CSMD1: variants seen among roughly 807,000 people sequenced by gnomAD.
CSMD1 encodes the protein CUB and Sushi multiple domains 1, also known as CUB and sushi domain-containing protein 1.
A neutral mutation model predicts 417.5 loss-of-function variants in CSMD1; 213 were observed. That is an observed-to-expected ratio of 0.51 (90% CI 0.46 to 0.57). CSMD1 has a LOEUF of 0.57. Among genes scored for constraint, CSMD1 ranks in the 20% least tolerant of loss-of-function variants. The probability of loss-of-function intolerance (pLI) is 0.00; values close to 1 mark genes in which losing one functional copy is unlikely to be tolerated. For missense variants in CSMD1, 6,923 were observed against 4,529.7 expected (o/e 1.53, Z -15.17); for synonymous variants, 2,862 against 1,736.8 (o/e 1.65, Z -16.11).
In CSMD1 at chr8:3,367,057, G is replaced by A. The variant is rs367552614; in HGVS notation, c.3090C>T (p.Tyr1030=). The A allele has an allele frequency of 3.3e-5, 53 of 1,613,412 alleles. No individual in the cohort carries two copies. Among genetic ancestry groups the A allele is most frequent in the Non-Finnish European group, 4.2e-5 (49 of 1,179,680 alleles). Residue 1030 remains tyrosine, a synonymous_variant, in exon 20 of 70, where the codon TAC becomes TAT. Transcript: ENST00000635120. ...LRFISDFSIS[Y]EGFNITFSEY... ...CTGAAAATGTGATATTGAAGCCCTC[G>A]TACGAAATTGAGAAGTCTGATATAA...
chr8:3,775,680 C>T (rs558625473), intron 5 of CSMD1, among the ~76,000 whole-genome samples: 2 of 152,330 alleles, frequency 1.3e-5, no homozygotes, highest in African/African-American at 4.8e-5. Context: ...CCAACACAGT[C>T]ACTGAAATAA....
chr8:4,149,278 T>C (rs993608838), intron 3 of CSMD1, among the ~76,000 whole-genome samples: 4 of 152,150 alleles, frequency 2.6e-5, no homozygotes, highest in African/African-American at 7.2e-5. Flanking sequence ...ATTTTCATAT[T>C]CCTAAAAAAA....
At chr8:3,756,279 G>T (rs1045276428) in intron 5 of CSMD1, among the ~76,000 whole-genome samples, 2 of 151,572 alleles carry the variant, frequency 1.3e-5, no homozygotes, top group Non-Finnish European at 2.9e-5. Context: ...CGTGAACCTG[G>T]GAGGCAGAGC....
At chr8:4,218,944 T>C (rs1800855847) in intron 3 of CSMD1, among the ~76,000 whole-genome samples, 1 of 152,178 alleles carries the variant, frequency 6.6e-6, no homozygotes, top group African/African-American at 2.4e-5. Context: ...CTCTGAGCAA[T>C]GCTATTTTTT....
intron 5 of CSMD1, among the ~76,000 whole-genome samples, chr8:3,899,070 A>T (rs1241256596): frequency 6.6e-6 from 1 of 152,210 alleles, no homozygotes; most frequent in Admixed American, 6.5e-5. Context: ...TAAAATGAGG[A>T]ATAAATAGAG....
chr8:3,861,858 T>C (rs1314749215), intron 5 of CSMD1, among the ~76,000 whole-genome samples: 2 of 152,188 alleles, frequency 1.3e-5, no homozygotes, highest in Non-Finnish European at 2.9e-5. Flanking sequence ...AAATGTCTAA[T>C]GGAGCCTAAG....
intron 7 of CSMD1, among the ~76,000 whole-genome samples, chr8:3,638,424 A>C (rs9792288): frequency 0.14 from 21,473 of 151,434 alleles, 3,092 homozygotes; most frequent in African/African-American, 0.37. Flanking sequence ...AGTTTTGCCC[A>C]CCGCAACTGC....
At position 3,575,499 on chromosome 8, in the gene CSMD1, A is replaced by G. The variant is rs543876672; in HGVS notation, c.1223-433T>C. On this transcript the variant is annotated intron_variant, in intron 9 of 69. Transcript: ENST00000635120. The stretch of plus-strand genomic sequence containing the variant: ...AGGCACCGCCGAGTGCAATTCAACC[A>G]GAGTTACCATCTCAGCTACGTCTTA... 5.9e-5 allele frequency among the ~76,000 whole-genome samples: 9 copies of G among 152,338 alleles called. No individual in the cohort carries two copies. The South Asian group carries it at 6.2e-4, about 11-fold the overall frequency.
At chr8:4,176,938 C>G (rs28694465) in intron 3 of CSMD1, among the ~76,000 whole-genome samples, 143,659 of 149,476 alleles carry the variant, frequency 0.96, 69,279 homozygotes, top group East Asian at 1. Context: ...AGCAAGTCCT[C>G]AGTGACCTAC....
At chr8:4,697,536 A>G (rs531801830) in intron 1 of CSMD1, among the ~76,000 whole-genome samples, 1 of 152,224 alleles carries the variant, frequency 6.6e-6, no homozygotes, top group Non-Finnish European at 1.5e-5. Context: ...TGTTTACTCA[A>G]TTGGGGAATG....
intron 3 of CSMD1, among the ~76,000 whole-genome samples, chr8:4,290,004 T>C (rs1391152426): frequency 6.6e-6 from 1 of 152,210 alleles, no homozygotes; most frequent in South Asian, 2.1e-4. Context: ...ATGTGTTATG[T>C]GCTAAGCACT....
At chr8:3,947,490 G>C (rs1028182853) in intron 5 of CSMD1, among the ~76,000 whole-genome samples, 109 of 151,970 alleles carry the variant, frequency 7.2e-4, no homozygotes, top group African/African-American at 2.5e-3. Flanking sequence ...TTAATTTTTA[G>C]GTAATATGTA....
chr8:4,994,017 G>A (rs1279870919), intron 1 of CSMD1, among the ~76,000 whole-genome samples: 2 of 152,136 alleles, frequency 1.3e-5, no homozygotes, highest in Non-Finnish European at 2.9e-5. Flanking sequence ...CGCCCCGGCG[G>A]AGCACAGTTC....
At chr8:4,715,025 T>G (rs935974229) in intron 1 of CSMD1, among the ~76,000 whole-genome samples, 1 of 152,210 alleles carries the variant, frequency 6.6e-6, no homozygotes, top group African/African-American at 2.4e-5. Context: ...TTTTAACATT[T>G]CAAGCATTTT....
chr8:4,706,481 G>A (rs1287861752), intron 1 of CSMD1, among the ~76,000 whole-genome samples: 1 of 152,104 alleles, frequency 6.6e-6, no homozygotes, highest in African/African-American at 2.4e-5. Flanking sequence ...TACAAAAGGG[G>A]AAAGTAAATA....
chr8:4,980,515 C>G (rs541266387), intron 1 of CSMD1, among the ~76,000 whole-genome samples: 34 of 152,346 alleles, frequency 2.2e-4, no homozygotes, highest in African/African-American at 8.2e-4. Flanking sequence ...ATTCCTTAGA[C>G]TGAGCTCTGC....
intron 2 of CSMD1, among the ~76,000 whole-genome samples, chr8:4,477,788 T>A (rs1800885065): frequency 6.6e-6 from 1 of 152,186 alleles, no homozygotes. Flanking sequence ...AGAACTTTTA[T>A]TAAGGTGGCT....
At chr8:4,788,910 G>A (rs1169142240) in intron 1 of CSMD1, among the ~76,000 whole-genome samples, 1 of 152,162 alleles carries the variant, frequency 6.6e-6, no homozygotes, top group Non-Finnish European at 1.5e-5. Context: ...AGGTGTTGGA[G>A]GTTGGCAGCA....
intron 10 of CSMD1, among the ~76,000 whole-genome samples, chr8:3,515,100 T>G (rs1036975609): frequency 6.6e-6 from 1 of 152,200 alleles, no homozygotes; most frequent in Non-Finnish European, 1.5e-5. Context: ...TTTACACATT[T>G]AAAAAATCAG....
Sources: allele counts gnomAD v4.1 joint callset (sites outside exome capture counted in the v4.1 genomes callset), GRCh38; gene constraint gnomAD v4.1.1; transcripts MANE v1.5; gene names NCBI Gene and HGNC (gene_info 2026-07-23, HGNC 2026-07-21).